The following ATP6V0A4 variants were observed in gnomAD, a reference collection of about 807,000 sequenced individuals.
ATP6V0A4 encodes V-type proton ATPase 116 kDa subunit a 4.
In ATP6V0A4, 86 loss-of-function variants were observed where a neutral mutation model predicts 107.3. The observed-to-expected ratio is 0.80, with a 90% CI of 0.67 to 0.96. ATP6V0A4 has a LOEUF of 0.96. Among genes scored for constraint, ATP6V0A4 ranks in the 40% least tolerant of loss-of-function variants. The pLI, the probability that ATP6V0A4 is intolerant of heterozygous loss-of-function variation, is 0.00. For synonymous variants in ATP6V0A4, 353 were observed against 381.4 expected, an observed-to-expected ratio of 0.93 and a Z score of 0.87; for missense variants, 908 against 1,045.6, an observed-to-expected ratio of 0.87 and a Z score of 1.81.
Position 138,742,211 on chromosome 7 carries a change from G to A in ATP6V0A4, c.1479-2578C>T, listed in dbSNP as rs544179310. ...GGAGGCCGAGGCAGGTGGATCACCT[G>A]AGGTCAGGAGTTCAAGACCAGCCTG... is the stretch of plus-strand genomic sequence containing the variant. On this transcript the variant is annotated intron_variant, in intron 14 of 21. Coordinates refer to ENST00000310018, the MANE Select transcript of ATP6V0A4 (RefSeq NM_020632.3). Among the ~76,000 whole-genome samples the A allele has an allele frequency of 1.1e-4, 17 of 152,216 alleles. No homozygotes were observed. In the East Asian group the frequency reaches 3.1e-3, roughly 28 times the overall value.
chr7:138,723,777 C>T (rs140545458), intron 18 of ATP6V0A4, among the ~76,000 whole-genome samples: 1,675 of 151,908 alleles, frequency 0.011, 35 homozygotes, highest in African/African-American at 0.036. Context: ...CCACCTGCCT[C>T]GGCCTCCCAA....
In ATP6V0A4 at chr7:138,745,283, G is replaced by A; in HGVS notation, c.1321-3C>T. ...CCGTGGAAGAAGGTGTTCCAAATCTGGCCTCAGAGAGACAGAGAGGATGAT... is the reference window on the plus strand; with the variant it reads ...CCGTGGAAGAAGGTGTTCCAAATCTAGCCTCAGAGAGACAGAGAGGATGAT... On this transcript the variant is annotated splice_region_variant and splice_polypyrimidine_tract_variant and intron_variant, in intron 13 of 21. Coordinates refer to ENST00000310018, the MANE Select transcript of ATP6V0A4 (RefSeq NM_020632.3). 6.2e-7 allele frequency: 1 copy of A among 1,613,982 alleles called. No individual in the cohort carries two copies. Among genetic ancestry groups the A allele is most frequent in the Non-Finnish European group, 8.5e-7 (1 of 1,179,976 alleles).
At chr7:138,716,580 G>GT (rs1804050270) in intron 19 of ATP6V0A4, among the ~76,000 whole-genome samples, 1 of 137,860 alleles carries the variant, frequency 7.3e-6, no homozygotes, top group African/African-American at 2.6e-5. Flanking sequence ...TTTTTTGGGG[G>GT]GGGGGGAGGG....
At chr7:138,762,811 T>C (rs1806892724) in intron 6 of ATP6V0A4, 89 bp downstream of exon 6, 38 of 1,426,224 alleles carry the variant, frequency 2.7e-5, no homozygotes, top group Non-Finnish European at 3.7e-5. Context: ...CAGAGTGATT[T>C]ACTCAGATCC....
chr7:138,797,903 A>C, intron 1 of ATP6V0A4, 131 bp downstream of exon 1: 1 of 1,334,512 alleles, frequency 7.5e-7, no homozygotes, highest in Non-Finnish European at 1.0e-6. Context: ...CTTCCCTTCT[A>C]GAGAGGTGAG....
intron 14 of ATP6V0A4, among the ~76,000 whole-genome samples, chr7:138,744,508 G>A (rs1036220747): frequency 1.3e-5 from 2 of 150,894 alleles, no homozygotes; most frequent in Non-Finnish European, 2.9e-5. Flanking sequence ...AAAGTGTTGA[G>A]ATTACAGGCG....
At chr7:138,749,445 T>G (rs1279387100) in intron 11 of ATP6V0A4, 128 bp from the exon 12 acceptor site, 1 of 1,018,692 alleles carries the variant, frequency 9.8e-7, no homozygotes, top group Non-Finnish European at 1.4e-6. Context: ...TCTTGATCTC[T>G]CTGAGACTCA....
At chr7:138,754,718 G>C (rs564542148) in intron 10 of ATP6V0A4, among the ~76,000 whole-genome samples, 4 of 152,054 alleles carry the variant, frequency 2.6e-5, no homozygotes. Flanking sequence ...TGCCTCTCAG[G>C]TTCAAACGAT....
intron 2 of ATP6V0A4, among the ~76,000 whole-genome samples, chr7:138,784,227 T>TAC: frequency 2.1e-5 from 1 of 47,034 alleles, no homozygotes; most frequent in African/African-American, 1.3e-4. Context: ...TATATATATA[T>TAC]ATATATACGT....
In ATP6V0A4 at chr7:138,727,112, C is replaced by CA. The variant is rs138365622; in HGVS notation, c.2010+1648dup. 7.4e-3 allele frequency among the ~76,000 whole-genome samples: 758 copies of CA among 102,992 alleles called. 8 individuals carry two copies. The highest frequency in any genetic ancestry group is 0.023 in the Admixed American group (207 of 8,926). The allele number at this position is 102,992 out of a possible 152,430, so 67.6% of individuals were successfully genotyped here. ...TGGGCAGCATAGTGAGAGCTCATCTCAAAAAAAAAAAAAAAAAAAAAAAAA... is the reference window on the plus strand; with the variant it reads ...TGGGCAGCATAGTGAGAGCTCATCTCAAAAAAAAAAAAAAAAAAAAAAAAAA... On this transcript the variant is annotated intron_variant, in intron 18 of 21. Coordinates refer to ENST00000310018, the MANE Select transcript of ATP6V0A4 (RefSeq NM_020632.3).
chr7:138,750,807 T>C (rs984123372), intron 11 of ATP6V0A4, among the ~76,000 whole-genome samples: 1 of 152,208 alleles, frequency 6.6e-6, no homozygotes, highest in Non-Finnish European at 1.5e-5. Flanking sequence ...TGGACCATGA[T>C]GTGGGGGCAT....
At position 138,744,363 on chromosome 7, in the gene ATP6V0A4, T is replaced by G. The variant is rs142075244; in HGVS notation, c.1478+760A>C. ...AGCAGTTCTCGTGCCTTGGCCTCCTTAGTAGCTGGGATTACAGGCATGTGC... is the reference window on the plus strand; with the variant it reads ...AGCAGTTCTCGTGCCTTGGCCTCCTGAGTAGCTGGGATTACAGGCATGTGC... On this transcript the variant is annotated intron_variant, in intron 14 of 21. Transcript: ENST00000310018. 1.8e-3 allele frequency among the ~76,000 whole-genome samples: 264 copies of G among 150,662 alleles called. 2 individuals are homozygous for G. The highest frequency in any genetic ancestry group is 6.2e-3 in the African/African-American group (254 of 40,986).
intron 8 of ATP6V0A4, among the ~76,000 whole-genome samples, chr7:138,757,827 C>T (rs1018712458): frequency 5.9e-5 from 9 of 152,172 alleles, no homozygotes; most frequent in Admixed American, 2.6e-4. Flanking sequence ...GTCAACGTCA[C>T]GTCAACTCAG....
At chr7:138,789,998 C>G (rs1322231806) in intron 1 of ATP6V0A4, among the ~76,000 whole-genome samples, 2 of 147,592 alleles carry the variant, frequency 1.4e-5, no homozygotes, top group Non-Finnish European at 3.0e-5. Context: ...AAAGTATTAA[C>G]TTGATTTTAT....
In ATP6V0A4 at chr7:138,718,034, C is replaced by T. The variant is rs114764697; in HGVS notation, c.2140-2153G>A. 2.0e-4 allele frequency among the ~76,000 whole-genome samples: 8 copies of T among 39,800 alleles called. 1 individual carries two copies. Among genetic ancestry groups the T allele is most frequent in the Non-Finnish European group, 2.7e-4 (5 of 18,236 alleles). The allele number at this position is 39,800 out of a possible 152,430, so 26.1% of individuals were successfully genotyped here. A position where few individuals can be genotyped will look rare whatever the true frequency, so the allele number is the denominator to read the frequency against. On this transcript the variant is annotated intron_variant, in intron 19 of 21. Coordinates refer to ENST00000310018, the MANE Select transcript of ATP6V0A4 (RefSeq NM_020632.3). ...CACAGATGTCTGCGGAGGGAGACGT[C>T]CAGGAAGGAGTGGGGGGGTACAGTC...
At chr7:138,781,165 T>A (rs995033262) in intron 2 of ATP6V0A4, among the ~76,000 whole-genome samples, 34 of 152,220 alleles carry the variant, frequency 2.2e-4, no homozygotes, top group African/African-American at 8.0e-4. Context: ...GAGTTGATAT[T>A]CCCCTGAGGT....
At position 138,728,874 on chromosome 7, in the gene ATP6V0A4, A is replaced by C; in HGVS notation, c.1909-12T>G. On this transcript the variant is annotated splice_polypyrimidine_tract_variant and intron_variant, in intron 17 of 21. Coordinates refer to ENST00000310018, the MANE Select transcript of ATP6V0A4 (RefSeq NM_020632.3). ...CTTTGGACTTCTTGCTGCAAGACCA[A>C]AATGGCGAGATCTCATCATTTTCAC... The C allele has an allele frequency of 6.2e-7, 1 of 1,614,054 alleles. No homozygotes were observed. Among genetic ancestry groups the C allele is most frequent in the Non-Finnish European group, 8.5e-7 (1 of 1,180,034 alleles).
chr7:138,748,287 C>A (rs1028167731), intron 12 of ATP6V0A4, among the ~76,000 whole-genome samples: 13 of 152,206 alleles, frequency 8.5e-5, no homozygotes, highest in Non-Finnish European at 1.6e-4. Flanking sequence ...TCGCAGGGAC[C>A]CTCAACCCAG....
In ATP6V0A4 at chr7:138,718,267, G is replaced by A. The variant is rs1485764164; in HGVS notation, c.2140-2386C>T. ...GGATGTCTGCGGAGGGAGACGTCCA[G>A]GAAGGAATGGCGGTGTGTGTGTGTG... On this transcript the variant is annotated intron_variant, in intron 19 of 21. Coordinates refer to ENST00000310018, the MANE Select transcript of ATP6V0A4 (RefSeq NM_020632.3). Among the ~76,000 whole-genome samples the A allele has an allele frequency of 2.8e-5, 2 of 70,766 alleles. 1 individual carries two copies. The allele number at this position is 70,766 out of a possible 152,430, so 46.4% of individuals were successfully genotyped here.
Sources: allele counts gnomAD v4.1 joint callset (sites outside exome capture counted in the v4.1 genomes callset), GRCh38; gene constraint gnomAD v4.1.1; transcripts MANE v1.5; gene names NCBI Gene and HGNC (gene_info 2026-07-23, HGNC 2026-07-21).